The following NELL1 variants were observed in gnomAD, a reference collection of about 807,000 sequenced individuals.
NELL1 encodes protein kinase C-binding protein NELL1.
A neutral mutation model predicts 107.4 loss-of-function variants in NELL1; 76 were observed. The ratio of observed to expected loss-of-function variants is 0.71; its 90% confidence interval spans 0.59 to 0.86. The LOEUF is 0.86. Among genes scored for constraint, NELL1 ranks in the 40% least tolerant of loss-of-function variants. The pLI is 0.00. For synonymous variants in NELL1, 353 were observed against 341.2 expected (o/e 1.03, Z -0.38); for missense variants, 1,024 against 1,005.5 (o/e 1.02, Z -0.25).
At chr11:21,111,521 A>C (rs1855107219) in intron 12 of NELL1, among the ~76,000 whole-genome samples, 1 of 152,102 alleles carries the variant, frequency 6.6e-6, no homozygotes, top group Non-Finnish European at 1.5e-5. Flanking sequence ...GCATATTTCT[A>C]GCTCATGCAA....
chr11:20,731,088 TGA>T (rs1491008713), intron 2 of NELL1, among the ~76,000 whole-genome samples: 3 of 45,960 alleles, frequency 6.5e-5, no homozygotes, highest in East Asian at 1.9e-3. Flanking sequence ...CAGGATTCTA[TGA>T]TAATTTCAGC....
chr11:21,012,979 T>TTTTG (rs58214475), intron 12 of NELL1, among the ~76,000 whole-genome samples: 53,631 of 151,716 alleles, frequency 0.35, 12,715 homozygotes, highest in African/African-American at 0.68. Flanking sequence ...CTTGTGGCTG[T>TTTTG]TTTGTTTGTT....
intron 7 of NELL1, among the ~76,000 whole-genome samples, chr11:20,925,753 C>G (rs999062305): frequency 6.6e-5 from 10 of 152,218 alleles, no homozygotes; most frequent in African/African-American, 2.4e-4. Context: ...CTACCCTTTG[C>G]TACCACCCAC....
chr11:21,403,621 A>T (rs1247909265), intron 15 of NELL1, among the ~76,000 whole-genome samples: 1 of 146,232 alleles, frequency 6.8e-6, no homozygotes, highest in African/African-American at 2.5e-5. Context: ...AAAAAAAAAA[A>T]TGTGCCTTTA....
intron 3 of NELL1, among the ~76,000 whole-genome samples, chr11:20,792,249 C>T (rs1220088487): frequency 6.6e-6 from 1 of 151,854 alleles, no homozygotes; most frequent in East Asian, 1.9e-4. Flanking sequence ...ATTGTGTAAG[C>T]TGAAAATATT....
rs148832958 is a variant in NELL1, at chr11:20,778,871, T to C, written c.185-4809T>C. On this transcript the variant is annotated intron_variant, in intron 2 of 19. Transcript: ENST00000357134. ...AAACAGGGGAAAGAGATGGAGTAGG[T>C]TAACACATGTAGGATTGAGTGTGAG... Among the ~76,000 whole-genome samples, 195 of 152,268 alleles carry C rather than the reference T, an allele frequency of 1.3e-3. 1 individual carries two copies. Among genetic ancestry groups the C allele is most frequent in the Non-Finnish European group, 2.0e-3 (134 of 68,024 alleles).
intron 13 of NELL1, among the ~76,000 whole-genome samples, chr11:21,128,062 T>C (rs1317900681): frequency 1.3e-5 from 2 of 152,154 alleles, no homozygotes; most frequent in African/African-American, 4.8e-5. Context: ...ACACAGGGAC[T>C]ATGCATGCTT....
intron 12 of NELL1, among the ~76,000 whole-genome samples, chr11:21,003,412 T>C (rs1852265468): frequency 6.6e-6 from 1 of 152,176 alleles, no homozygotes; most frequent in Non-Finnish European, 1.5e-5. Context: ...ATGCCAGTTT[T>C]TTTGCTAGGT....
chr11:21,500,766 A>G (rs915076272), intron 15 of NELL1, among the ~76,000 whole-genome samples: 6 of 152,122 alleles, frequency 3.9e-5, no homozygotes, highest in Non-Finnish European at 8.8e-5. Flanking sequence ...TTGTTTTACA[A>G]TCTGTTTTCA....
In NELL1 at chr11:20,927,359, A is replaced by T. The variant is rs1338337065; in HGVS notation, c.811A>T (p.Lys271Ter). ...LSQLENCHCE[K>*]TCQVSGLLYR... ...TCAATTGGAAAACTGTCATTGTGAG[A>T]AGACTTGTCAAGTGAGTGGACTGCT... The change falls in exon 8 of 20, where the codon AAG (lysine) becomes TAG (stop). Residue 271 changes from lysine (K) to a stop codon, truncating the protein, a stop_gained. Transcript: ENST00000357134. LOFTEE classifies it high-confidence loss of function. 1.2e-6 allele frequency: 2 copies of T among 1,613,148 alleles called. No homozygotes were observed. Among genetic ancestry groups the T allele is most frequent in the Non-Finnish European group, 1.7e-6 (2 of 1,179,656 alleles).
intron 15 of NELL1, among the ~76,000 whole-genome samples, chr11:21,440,264 C>T (rs550396870): frequency 9.9e-5 from 15 of 151,686 alleles, no homozygotes; most frequent in African/African-American, 3.6e-4. Context: ...TAAACATCAG[C>T]CTACTTTCTG....
At chr11:21,030,036 G>A (rs1852914778) in intron 12 of NELL1, among the ~76,000 whole-genome samples, 1 of 152,200 alleles carries the variant, frequency 6.6e-6, no homozygotes, top group Non-Finnish European at 1.5e-5. Context: ...GTGATTGGAA[G>A]CTCATCACGA....
At chr11:21,250,040 G>T (rs865871970) in intron 14 of NELL1, among the ~76,000 whole-genome samples, 1 of 152,172 alleles carries the variant, frequency 6.6e-6, no homozygotes, top group African/African-American at 2.4e-5. Context: ...AAACTGTGGA[G>T]CTTTCATGTT....
chr11:20,839,339 T>G (rs1310426191), intron 3 of NELL1, among the ~76,000 whole-genome samples: 1 of 152,194 alleles, frequency 6.6e-6, no homozygotes, highest in Non-Finnish European at 1.5e-5. Context: ...TCTTGCTATA[T>G]GTTTGCTAAG....
intron 15 of NELL1, among the ~76,000 whole-genome samples, chr11:21,385,779 C>T (rs1306304390): frequency 1.3e-5 from 2 of 151,830 alleles, no homozygotes; most frequent in Non-Finnish European, 2.9e-5. Context: ...TGACTCGCTC[C>T]GAGTAGCTTT....
chr11:21,069,512 T>G (rs1853960615), intron 12 of NELL1, among the ~76,000 whole-genome samples: 1 of 152,064 alleles, frequency 6.6e-6, no homozygotes, highest in African/African-American at 2.4e-5. Context: ...GGAGGAGGAA[T>G]GGAAGGGAAG....
intron 15 of NELL1, among the ~76,000 whole-genome samples, chr11:21,432,496 C>T (rs964613658): frequency 6.6e-6 from 1 of 152,016 alleles, no homozygotes; most frequent in Non-Finnish European, 1.5e-5. Flanking sequence ...CTAAAGGACC[C>T]CAGGATACAC....
chr11:21,040,901 G>T (rs1437837771), intron 12 of NELL1, among the ~76,000 whole-genome samples: 1 of 152,126 alleles, frequency 6.6e-6, no homozygotes, highest in Non-Finnish European at 1.5e-5. Flanking sequence ...GATTAAGGGA[G>T]AGCAGAGGAA....
chr11:20,806,542 TC>T (rs1857388580), intron 3 of NELL1, among the ~76,000 whole-genome samples: 1 of 152,270 alleles, frequency 6.6e-6, no homozygotes, highest in East Asian at 1.9e-4. Flanking sequence ...TGCTTGGTGT[TC>T]TGTAACCTTC....
Sources: allele counts gnomAD v4.1 joint callset (sites outside exome capture counted in the v4.1 genomes callset), GRCh38; gene constraint gnomAD v4.1.1; transcripts MANE v1.5; gene names NCBI Gene and HGNC (gene_info 2026-07-23, HGNC 2026-07-21).